Variants in DNAH9 observed in about 807,000 individuals in gnomAD.
DNAH9 encodes the protein DNAH9 variant protein.
In DNAH9, 345 loss-of-function variants were observed where a neutral mutation model predicts 471.6. The observed-to-expected ratio is 0.73, with a 90% CI of 0.67 to 0.80. The LOEUF is 0.80. DNAH9 is among the 30% of genes least tolerant of loss of function. The pLI is 0.00. For synonymous variants in DNAH9, 2,093 were observed against 2,123.6 expected (o/e 0.99, Z 0.40); for missense variants, 5,407 against 5,609.2 (o/e 0.96, Z 1.15).
intron 38 of DNAH9, among the ~76,000 whole-genome samples, chr17:11,770,679 C>T (rs1177107872): frequency 6.6e-6 from 1 of 152,198 alleles, no homozygotes; most frequent in Non-Finnish European, 1.5e-5. Flanking sequence ...AGATTTACAT[C>T]AGAACTTTAC....
Position 11,873,279 on chromosome 17 carries a change from G to A in DNAH9, c.10242+1493G>A, listed in dbSNP as rs1338687809. ...TTTCTGGCTTTGTTTGGATTCTTAA[G>A]CTTTTTTGTGTCATGGACGTCTTTG... On this transcript the variant is annotated intron_variant, in intron 52 of 68. Coordinates refer to ENST00000262442, the MANE Select transcript of DNAH9 (RefSeq NM_001372.4). Among the ~76,000 whole-genome samples the A allele has an allele frequency of 3.3e-5, 5 of 152,314 alleles. No individual in the cohort carries two copies. The East Asian group carries it at 5.8e-4, about 18-fold the overall frequency.
At chr17:11,940,428 G>A (rs373419105) in intron 66 of DNAH9, among the ~76,000 whole-genome samples, 34 of 152,258 alleles carry the variant, frequency 2.2e-4, no homozygotes, top group African/African-American at 5.5e-4. Context: ...ATGGAAGCTC[G>A]CTGATATAGA....
intron 44 of DNAH9, among the ~76,000 whole-genome samples, chr17:11,809,755 TGTAAGTAAGTCTTCCATATAC>T (rs527714120): frequency 0.051 from 7,708 of 152,034 alleles, 255 homozygotes; most frequent in South Asian, 0.16. Flanking sequence ...CTTACTTATA[TGTAAGTAAGTCTTCCATATAC>T]GTAAGTAAGT....
intron 17 of DNAH9, among the ~76,000 whole-genome samples, chr17:11,678,176 G>A (rs906890419): frequency 6.6e-6 from 1 of 152,124 alleles, no homozygotes; most frequent in African/African-American, 2.4e-5. Flanking sequence ...TTCTGCCTCA[G>A]CATCCCGAGT....
At chr17:11,818,970 C>T (rs1290913597) in intron 45 of DNAH9, among the ~76,000 whole-genome samples, 3 of 151,616 alleles carry the variant, frequency 2.0e-5, no homozygotes, top group African/African-American at 2.4e-5. Flanking sequence ...GTCAACTTTT[C>T]GTCTGAGCTA....
In DNAH9 at chr17:11,780,978, G is replaced by A. The variant is rs199969038; in HGVS notation, c.7553-31G>A. ...AGTACTGGCATCTGAGATTTGAGCC[G>A]CCTTCCCTCACCGACTGGCTCTCTC... On this transcript the variant is annotated intron_variant, in intron 38 of 68. Coordinates refer to ENST00000262442, the MANE Select transcript of DNAH9 (RefSeq NM_001372.4). The A allele has an allele frequency of 4.1e-5, 65 of 1,604,640 alleles. No homozygotes were observed. The Middle Eastern group carries it at 5.1e-4, about 13-fold the overall frequency.
intron 35 of DNAH9, 33 bp from the exon 36 acceptor site, chr17:11,763,407 G>A: frequency 6.3e-7 from 1 of 1,597,052 alleles, no homozygotes; most frequent in East Asian, 2.2e-5. Flanking sequence ...AATATCCTCT[G>A]TGTTTCAGAT....
At chr17:11,846,475 T>G (rs2150963646) in intron 49 of DNAH9, among the ~76,000 whole-genome samples, 1 of 151,160 alleles carries the variant, frequency 6.6e-6, no homozygotes, top group South Asian at 2.1e-4. Context: ...AGGATTGACT[T>G]GGCGATGCGG....
At position 11,644,827 on chromosome 17, in the gene DNAH9, C is replaced by T. The variant is rs916755193; in HGVS notation, c.1970+128C>T. 7 of 666,994 alleles carry T rather than the reference C, an allele frequency of 1.0e-5. No individual in the cohort carries two copies. In the East Asian group the frequency reaches 1.1e-4, roughly 11 times the overall value. The allele number at this position is 666,994 out of a possible 1,614,324, so 41.3% of individuals were successfully genotyped here. A position where few individuals can be genotyped will look rare whatever the true frequency, so the allele number is the denominator to read the frequency against. On this transcript the variant is annotated intron_variant, in intron 11 of 68. Transcript: ENST00000262442. ...CACTCTATGTTTTATGTTATAACCA[C>T]GATATTTGTGAGTACAGTATTTCCG...
Position 11,664,715 on chromosome 17 carries a change from G to A in DNAH9, c.2596-118G>A, listed in dbSNP as rs557006016. The A allele has an allele frequency of 3.6e-6, 3 of 831,350 alleles. No homozygotes were observed. In the African/African-American group the frequency reaches 5.2e-5, roughly 14 times the overall value. 51.5% of individuals were successfully genotyped at this position (831,350 alleles called of 1,614,324 possible). A position where few individuals can be genotyped will look rare whatever the true frequency, so the allele number is the denominator to read the frequency against. On this transcript the variant is annotated intron_variant, in intron 14 of 68. Coordinates refer to ENST00000262442, the MANE Select transcript of DNAH9 (RefSeq NM_001372.4). ...GAGTGGATTCGATACATGTGTAATA[G>A]CAAATTCTCCACAAGAGAGTTTTTT...
chr17:11,712,252 T>C (rs2074880662), intron 26 of DNAH9, among the ~76,000 whole-genome samples: 2 of 149,520 alleles, frequency 1.3e-5, no homozygotes, highest in Non-Finnish European at 3.0e-5. Flanking sequence ...TGGCAGAGCA[T>C]GTGTCTGTAG....
At chr17:11,757,479 C>A in intron 34 of DNAH9, 66 bp from the exon 35 acceptor site, 1 of 1,403,462 alleles carries the variant, frequency 7.1e-7, no homozygotes, top group South Asian at 1.3e-5. Context: ...GAAAATAACT[C>A]CCTGGGGTGA....
At chr17:11,728,010 G>A (rs2075186537) in intron 28 of DNAH9, 88 bp downstream of exon 28, 1 of 824,290 alleles carries the variant, frequency 1.2e-6, no homozygotes, top group South Asian at 1.4e-5. Context: ...CCTCTCCTGA[G>A]CATCTACGTC....
At chr17:11,729,231 C>T (rs1212497188) in intron 28 of DNAH9, among the ~76,000 whole-genome samples, 1 of 152,114 alleles carries the variant, frequency 6.6e-6, no homozygotes, top group Admixed American at 6.5e-5. Context: ...CCAGGAACCC[C>T]ATCTCCAAGA....
Position 11,611,669 on chromosome 17 carries a change from A to T in DNAH9, c.793A>T (p.Ile265Phe). 1.9e-6 allele frequency: 3 copies of T among 1,614,082 alleles called. No homozygotes were observed. The highest frequency in any genetic ancestry group is 2.5e-6 in the Non-Finnish European group (3 of 1,179,934). Residue 265 changes from isoleucine to phenylalanine, a missense_variant, in exon 4 of 69, where the codon ATC (isoleucine) becomes TTC (phenylalanine). This residue lies in a region of DNAH9 where 767 missense variants were observed against 692.5 expected (regional missense o/e 1.11). Transcript: ENST00000262442. ...WKSRYEDLKY[I>F]YNQLRTITVR... ...TTGCAGGTATGAAGATCTGAAATAC[A>T]TCTATAATCAACTGAGAACAATAAC... is the stretch of plus-strand genomic sequence containing the variant.
chr17:11,909,619 C>T (rs149941916), intron 61 of DNAH9, among the ~76,000 whole-genome samples: 1,857 of 152,178 alleles, frequency 0.012, 25 homozygotes, highest in Middle Eastern at 0.058. Context: ...GAATAAAAAT[C>T]TTTCAGTGGC....
chr17:11,776,798 G>A (rs12601768), intron 38 of DNAH9, among the ~76,000 whole-genome samples: 5,245 of 152,206 alleles, frequency 0.034, 156 homozygotes, highest in East Asian at 0.13. Flanking sequence ...CATTGAAAAA[G>A]TCAGCCTTCA....
chr17:11,749,783 A>G (rs139430098), intron 32 of DNAH9, among the ~76,000 whole-genome samples: 1 of 152,050 alleles, frequency 6.6e-6, no homozygotes, highest in Admixed American at 6.6e-5. Context: ...ACTAAATTGC[A>G]TATGTATATT....
intron 56 of DNAH9, 63 bp from the exon 57 acceptor site, chr17:11,886,762 A>G (rs555836530): frequency 1.9e-5 from 30 of 1,547,646 alleles, no homozygotes; most frequent in South Asian, 2.5e-5. Flanking sequence ...CAGAGGGGCC[A>G]AGTTGATTCT....
Sources: gnomAD v4.1 joint callset for allele counts (sites outside exome capture counted in the v4.1 genomes callset) on GRCh38, gnomAD v4.1.1 for gene constraint, gnomAD v4.1.1 regional missense constraint, MANE v1.5 for transcripts, NCBI Gene and HGNC (gene_info 2026-07-23, HGNC 2026-07-21) for gene names.